ZHX3: variants seen among roughly 807,000 people sequenced by gnomAD.
ZHX3 encodes zinc fingers and homeoboxes protein 3.
Under a neutral mutation model 64.5 loss-of-function variants are expected in ZHX3, and 20 were observed. The ratio of observed to expected loss-of-function variants is 0.31; its 90% CI spans 0.22 to 0.45. The LOEUF (loss-of-function observed/expected upper bound fraction) is 0.45. ZHX3 is among the 20% of genes least tolerant of loss of function. ZHX3 has a pLI of 1.00. For missense variants in ZHX3, 1,041 were observed against 1,195.8 expected (o/e 0.87, Z 1.91); for synonymous variants, 423 against 461.6 (o/e 0.92, Z 1.07).
chr20:41,222,906 TAA>T (rs11482200), intron 2 of ZHX3, among the ~76,000 whole-genome samples: 26 of 137,132 alleles, frequency 1.9e-4, no homozygotes, highest in Admixed American at 3.6e-4. Flanking sequence ...GAACATTTGT[TAA>T]AAAAAAAAAA....
intron 2 of ZHX3, among the ~76,000 whole-genome samples, chr20:41,231,124 T>A (rs988572260): frequency 3.3e-5 from 5 of 152,236 alleles, no homozygotes; most frequent in Non-Finnish European, 5.9e-5. Context: ...TACAGGTATG[T>A]AGCCTTTTTG....
chr20:41,295,505 G>T (rs2044463721), intron 1 of ZHX3, among the ~76,000 whole-genome samples: 1 of 152,132 alleles, frequency 6.6e-6, no homozygotes, highest in Admixed American at 6.5e-5. Context: ...TAGAGTATTA[G>T]AATTCCCTTT....
chr20:41,189,619 T>C (rs1338622447), intron 3 of ZHX3, among the ~76,000 whole-genome samples: 2 of 152,224 alleles, frequency 1.3e-5, no homozygotes, highest in Non-Finnish European at 2.9e-5. Context: ...ATTACCTTCT[T>C]GATTTCTTTT....
At chr20:41,263,121 A>G (rs574002398) in intron 2 of ZHX3, among the ~76,000 whole-genome samples, 22 of 152,210 alleles carry the variant, frequency 1.4e-4, no homozygotes, top group Non-Finnish European at 3.1e-4. Flanking sequence ...ATAATACAAT[A>G]GCAATAATAA....
At chr20:41,306,528 G>A (rs1044653464) in intron 1 of ZHX3, among the ~76,000 whole-genome samples, 1 of 152,202 alleles carries the variant, frequency 6.6e-6, no homozygotes, top group East Asian at 1.9e-4. Flanking sequence ...TAGACTGTGA[G>A]TACCACAGAA....
intron 2 of ZHX3, among the ~76,000 whole-genome samples, chr20:41,230,149 G>A (rs2146378488): frequency 6.6e-6 from 1 of 151,716 alleles, no homozygotes; most frequent in South Asian, 2.1e-4. Context: ...TTAAATAGAT[G>A]TTGAAATAAT....
intron 2 of ZHX3, among the ~76,000 whole-genome samples, chr20:41,225,215 T>C (rs542129770): frequency 2.6e-5 from 4 of 152,318 alleles, no homozygotes; most frequent in East Asian, 1.9e-4. Flanking sequence ...ACCTACCTCA[T>C]AGACCTGACA....
intron 2 of ZHX3, among the ~76,000 whole-genome samples, chr20:41,246,030 T>G (rs1290686134): frequency 6.6e-6 from 1 of 152,248 alleles, no homozygotes; most frequent in Non-Finnish European, 1.5e-5. Context: ...AGCTGATCCA[T>G]TAACCAGGAA....
intron 1 of ZHX3, among the ~76,000 whole-genome samples, chr20:41,315,579 T>C (rs1182749598): frequency 6.6e-6 from 1 of 152,044 alleles, no homozygotes; most frequent in Non-Finnish European, 1.5e-5. Context: ...AGCAAGGCCT[T>C]CAGAGTTTAC....
intron 2 of ZHX3, among the ~76,000 whole-genome samples, chr20:41,236,824 C>G (rs2041030371): frequency 6.6e-6 from 1 of 152,242 alleles, no homozygotes; most frequent in Admixed American, 6.5e-5. Flanking sequence ...TCAGAGTGAA[C>G]AGGCAACCTA....
chr20:41,257,236 C>T (rs891966236), intron 2 of ZHX3, among the ~76,000 whole-genome samples: 1 of 152,182 alleles, frequency 6.6e-6, no homozygotes, highest in African/African-American at 2.4e-5. Flanking sequence ...TAAGTGGTAT[C>T]TTGGGACCTG....
chr20:41,266,393 C>A (rs2042848216), intron 2 of ZHX3, among the ~76,000 whole-genome samples: 1 of 152,098 alleles, frequency 6.6e-6, no homozygotes, highest in African/African-American at 2.4e-5. Context: ...ACTGCAACCT[C>A]CAGTCATATG....
chr20:41,194,699 T>G (rs1038876446), intron 3 of ZHX3, among the ~76,000 whole-genome samples: 7 of 152,226 alleles, frequency 4.6e-5, no homozygotes, highest in African/African-American at 1.4e-4. Context: ...GACTTGTCAC[T>G]GTTGGAATGT....
chr20:41,249,863 A>G (rs1407259929), intron 2 of ZHX3, among the ~76,000 whole-genome samples: 1 of 152,168 alleles, frequency 6.6e-6, no homozygotes, highest in African/African-American at 2.4e-5. Flanking sequence ...ACATAGCAGC[A>G]CATCTTATGA....
In ZHX3 at chr20:41,195,153, C is replaced by A. The variant is rs1283494030; in HGVS notation, c.2860+6904G>T. Among the ~76,000 whole-genome samples, 1 of 152,178 alleles carries A rather than the reference C, an allele frequency of 6.6e-6. No homozygotes were observed. Among genetic ancestry groups the A allele is most frequent in the Non-Finnish European group, 1.5e-5 (1 of 68,032 alleles). Reference sequence around the variant, plus strand: ...TTTTTTTAAGACATGGGGTCTTACGCTGTCACCCAGGCTGGAATGCAGTGG... The same window carrying A: ...TTTTTTTAAGACATGGGGTCTTACGATGTCACCCAGGCTGGAATGCAGTGG... On this transcript the variant is annotated intron_variant, in intron 3 of 3. Coordinates refer to ENST00000683867, the MANE Select transcript of ZHX3 (RefSeq NM_001384317.1). The surrounding 1 kb of genome is among the most constrained non-coding windows in gnomAD (Gnocchi z 4.2).
rs958723616 is a variant in ZHX3 at position 41,315,856 on chromosome 20, GTTTT to G, written c.-245+1649_-245+1652del. Among the ~76,000 whole-genome samples, 6 of 151,584 alleles carry G rather than the reference GTTTT, an allele frequency of 4.0e-5. No homozygotes were observed. In the South Asian group the frequency reaches 1.3e-3, roughly 32 times the overall value. On this transcript the variant is annotated intron_variant, in intron 1 of 3. Coordinates refer to ENST00000683867, the MANE Select transcript of ZHX3 (RefSeq NM_001384317.1). ...TTACTATGGTTTGTGGGATTATGGG[GTTTT>G]TTTTGTTTTGTTTTGTTTGCAATGC...
chr20:41,316,021 AAAAC>A (rs1050777523), intron 1 of ZHX3, among the ~76,000 whole-genome samples: 7 of 152,046 alleles, frequency 4.6e-5, no homozygotes, highest in East Asian at 1.9e-4. Context: ...GAAAAAAAAA[AAAAC>A]AAACTCAAAA....
intron 1 of ZHX3, among the ~76,000 whole-genome samples, chr20:41,280,475 T>C (rs1011906239): frequency 6.6e-6 from 1 of 152,208 alleles, no homozygotes; most frequent in Non-Finnish European, 1.5e-5. Flanking sequence ...GAAAGATCTA[T>C]TAAGATACCA....
intron 1 of ZHX3, among the ~76,000 whole-genome samples, chr20:41,288,028 ATTAT>A (rs775872548): frequency 1.4e-4 from 21 of 152,098 alleles, no homozygotes; most frequent in South Asian, 2.1e-4. Flanking sequence ...ACTTCATTTT[ATTAT>A]TTATTTATTT....
Sources: gnomAD v4.1 joint callset for allele counts (sites outside exome capture counted in the v4.1 genomes callset) on GRCh38, gnomAD v4.1.1 for gene constraint, Gnocchi (gnomAD v3.1) non-coding constraint, MANE v1.5 for transcripts, NCBI Gene and HGNC (gene_info 2026-07-23, HGNC 2026-07-21) for gene names.